The following UNC79 variants were observed in gnomAD, a reference collection of about 807,000 sequenced individuals.
UNC79 encodes the protein unc-79 subunit of NALCN channel complex.
In UNC79, 37 loss-of-function variants were observed where a neutral mutation model predicts 283.1. That is an observed-to-expected ratio of 0.13 (90% CI 0.10 to 0.17). The LOEUF is 0.17. UNC79 is among the 10% of genes least tolerant of loss of function. UNC79 has a pLI of 1.00. For missense variants in UNC79, 2,272 were observed against 3,211.1 expected, an observed-to-expected ratio of 0.71 and a Z score of 7.07; for synonymous variants, 1,107 against 1,200.2, an observed-to-expected ratio of 0.92 and a Z score of 1.61.
intron 1 of UNC79, among the ~76,000 whole-genome samples, chr14:93,418,734 C>G (rs10143985): frequency 0.55 from 83,669 of 151,510 alleles, 24,252 homozygotes; most frequent in Admixed American, 0.66. Flanking sequence ...TGGTGGGCGC[C>G]CCTCCCCCAG....
intron 35 of UNC79, among the ~76,000 whole-genome samples, chr14:93,648,235 CTTG>C (rs2069848498): frequency 6.6e-6 from 1 of 152,142 alleles, no homozygotes; most frequent in African/African-American, 2.4e-5. Context: ...TACATGAACA[CTTG>C]TTAAGAGAAT....
intron 14 of UNC79, among the ~76,000 whole-genome samples, chr14:93,547,288 C>T (rs1259256544): frequency 3.3e-5 from 5 of 152,196 alleles, no homozygotes. Flanking sequence ...TTAAACATCT[C>T]TTTTTATTTG....
At chr14:93,700,073 G>GT (rs35612423) in intron 47 of UNC79, among the ~76,000 whole-genome samples, 89,402 of 140,616 alleles carry the variant, frequency 0.64, 28,201 homozygotes, top group Middle Eastern at 0.68. Flanking sequence ...GGTTTCGGAG[G>GT]TTTTTTTTTT....
In UNC79 at chr14:93,516,261, A is replaced by G. The variant is rs1026500392; in HGVS notation, c.899-7717A>G. On this transcript the variant is annotated intron_variant, in intron 7 of 48. Transcript: ENST00000555664. The stretch of plus-strand genomic sequence containing the variant: ...ACGGTGTATTTTAGAATCATGTAGT[A>G]TAAATCCTCTAGATTTGCTCTTTTA... Among the ~76,000 whole-genome samples the G allele has an allele frequency of 2.0e-5, 3 of 152,102 alleles. No homozygotes were observed. The East Asian group carries it at 5.8e-4, about 29-fold the overall frequency.
At chr14:93,569,003 G>T (rs1208029700) in intron 14 of UNC79, among the ~76,000 whole-genome samples, 4 of 152,184 alleles carry the variant, frequency 2.6e-5, no homozygotes, top group Admixed American at 2.6e-4. Context: ...TAGGAGACTG[G>T]GGTTTTAATT....
intron 1 of UNC79, among the ~76,000 whole-genome samples, chr14:93,412,055 G>A (rs2055347002): frequency 6.6e-6 from 1 of 152,064 alleles, no homozygotes. Context: ...ACACAGACAA[G>A]GAATTCAGAA....
At chr14:93,622,687 G>T (rs1401550636) in exon 30 of UNC79, 1 of 1,614,192 alleles carries the variant, frequency 6.2e-7, no homozygotes, top group Admixed American at 1.7e-5. Flanking sequence ...CTGAAAGGAA[G>T]GTGGAAGAGG....
chr14:93,473,959 C>A, intron 2 of UNC79, 130 bp from the exon 3 acceptor site: 2 of 1,104,484 alleles, frequency 1.8e-6, no homozygotes, highest in Non-Finnish European at 2.5e-6. Context: ...GTAGACCCTG[C>A]TGGCGTGGCA....
At chr14:93,551,302 G>T (rs906914596) in intron 14 of UNC79, among the ~76,000 whole-genome samples, 1 of 152,162 alleles carries the variant, frequency 6.6e-6, no homozygotes, top group African/African-American at 2.4e-5. Flanking sequence ...GCCCGCCTCG[G>T]CCTCCCAAAG....
chr14:93,381,172 A>G (rs1310073061), intron 1 of UNC79, among the ~76,000 whole-genome samples: 1 of 152,238 alleles, frequency 6.6e-6, no homozygotes, highest in South Asian at 2.1e-4. Context: ...ATGGAAGATC[A>G]TGAAGCAGAT....
At position 93,461,441 on chromosome 14, in the gene UNC79, A is replaced by G. The variant is rs145085320; in HGVS notation, c.23-6230A>G. 2.0e-3 allele frequency among the ~76,000 whole-genome samples: 305 copies of G among 152,368 alleles called. 4 individuals are homozygous for G. In the East Asian group the frequency reaches 0.021, roughly 10 times the overall value. The stretch of plus-strand genomic sequence containing the variant: ...AAAGCTCCCAAGAAACGGTGAGGAT[A>G]GAAGGGGCCGTAAAATATCAAACAG... On this transcript the variant is annotated intron_variant, in intron 1 of 48. Coordinates refer to ENST00000555664, the Ensembl canonical transcript of UNC79.
chr14:93,524,119 C>T (rs1470844831), intron 8 of UNC79, 77 bp downstream of exon 8: 3 of 1,499,966 alleles, frequency 2.0e-6, no homozygotes, highest in Non-Finnish European at 2.8e-6. Context: ...TAGATTGCAT[C>T]CTTCTCTGTA....
exon 13 of UNC79, chr14:93,540,674 C>T (rs955891900): frequency 6.2e-7 from 1 of 1,612,126 alleles, no homozygotes; most frequent in South Asian, 1.1e-5. Context: ...TTGAAAGAAG[C>T]CGAGTTCCAT....
exon 29 of UNC79, chr14:93,618,303 C>T: frequency 6.2e-7 from 1 of 1,613,880 alleles, no homozygotes; most frequent in Non-Finnish European, 8.5e-7. Flanking sequence ...CACGGCAGGA[C>T]CTTTGTACAG....
chr14:93,370,244 C>A (rs2054414626), intron 1 of UNC79, among the ~76,000 whole-genome samples: 1 of 152,000 alleles, frequency 6.6e-6, no homozygotes, highest in East Asian at 1.9e-4. Context: ...AGGGATGTTG[C>A]AATGATCAGA....
chr14:93,382,612 T>C (rs1005103711), intron 1 of UNC79, among the ~76,000 whole-genome samples: 1 of 152,204 alleles, frequency 6.6e-6, no homozygotes, highest in Non-Finnish European at 1.5e-5. Flanking sequence ...GAGTACCTTC[T>C]TGGTGCCCAG....
At chr14:93,627,430 T>G (rs990403145) in intron 30 of UNC79, among the ~76,000 whole-genome samples, 1 of 152,166 alleles carries the variant, frequency 6.6e-6, no homozygotes, top group African/African-American at 2.4e-5. Flanking sequence ...CAACAAGTAT[T>G]TATTTAGTTC....
intron 1 of UNC79, among the ~76,000 whole-genome samples, chr14:93,438,428 T>C (rs897344267): frequency 6.6e-5 from 10 of 152,204 alleles, no homozygotes; most frequent in African/African-American, 2.4e-4. Flanking sequence ...ATACACTCTC[T>C]ACAACTTTTC....
chr14:93,529,230 T>C, intron 9 of UNC79, 56 bp from the exon 10 acceptor site: 2 of 1,592,522 alleles, frequency 1.3e-6, no homozygotes, highest in Non-Finnish European at 1.7e-6. Context: ...TAAACATTCA[T>C]GTGGAAGGAG....
Sources: allele counts gnomAD v4.1 joint callset (sites outside exome capture counted in the v4.1 genomes callset), GRCh38; gene constraint gnomAD v4.1.1; transcripts MANE v1.5; gene names NCBI Gene and HGNC (gene_info 2026-07-23, HGNC 2026-07-21).